Variants in NAA11 observed in about 807,000 individuals in gnomAD.
The protein encoded by NAA11 is N-alpha-acetyltransferase 11, NatA catalytic subunit.
A neutral mutation model predicts 16.1 loss-of-function variants in NAA11; 15 were observed. The ratio of observed to expected loss-of-function variants is 0.93; its 90% CI spans 0.62 to 1.44. The LOEUF is 1.44. NAA11 is among the 40% of genes most tolerant of loss of function. The pLI is 0.00. For missense variants in NAA11, 298 were observed against 291.3 expected (o/e 1.02, Z -0.17); for synonymous variants, 122 against 112.4 (o/e 1.09, Z -0.54).
intron 2 of NAA11, among the ~76,000 whole-genome samples, chr4:79,256,645 A>AT (rs1722112473): frequency 1.3e-5 from 1 of 75,536 alleles, no homozygotes; most frequent in African/African-American, 4.5e-5. Context: ...TATATATATA[A>AT]ATATAAATAT....
chr4:79,186,077 G>T, the NAA11 span, among the ~76,000 whole-genome samples: 1 of 152,050 alleles, frequency 6.6e-6, no homozygotes, highest in Non-Finnish European at 1.5e-5. Flanking sequence ...GAAACATCTT[G>T]TTAAAGGTTG....
At chr4:79,196,653 CT>C in the NAA11 span, among the ~76,000 whole-genome samples, 1 of 152,046 alleles carries the variant, frequency 6.6e-6, no homozygotes, top group Middle Eastern at 3.4e-3. Context: ...CTCCCCTCCC[CT>C]CTTCAGATGT....
chr4:79,238,985 G>T (rs1194323138), intron 2 of NAA11, among the ~76,000 whole-genome samples: 12 of 152,212 alleles, frequency 7.9e-5, no homozygotes, highest in African/African-American at 2.9e-4. Flanking sequence ...TTGGACAGGA[G>T]CTGGTAAATT....
At chr4:79,324,038 C>T (rs1724182783) in intron 1 of NAA11, among the ~76,000 whole-genome samples, 1 of 151,242 alleles carries the variant, frequency 6.6e-6, no homozygotes, top group African/African-American at 2.4e-5. Context: ...ATTGTTTTGG[C>T]TCTTTAACTT....
At chr4:79,227,022 T>C (rs1721333151) in intron 2 of NAA11, among the ~76,000 whole-genome samples, 1 of 152,140 alleles carries the variant, frequency 6.6e-6, no homozygotes, top group African/African-American at 2.4e-5. Context: ...TCACAATGGT[T>C]GAACTAGTTT....
chr4:79,325,635 G>C lies in NAA11; in HGVS notation c.243C>G (p.His81Gln). 6.2e-7 allele frequency: 1 copy of C among 1,614,102 alleles called. No individual in the cohort carries two copies. Among genetic ancestry groups the C allele is most frequent in the Non-Finnish European group, 8.5e-7 (1 of 1,179,960 alleles). Residue 81 changes from histidine to glutamine, a missense_variant, in exon 1 of 2, where the codon CAC (histidine) becomes CAG (glutamine). Coordinates refer to ENST00000286794, the MANE Select transcript of NAA11 (RefSeq NM_032693.3). ...HITSLAVKRS[H>Q]RRLGLAQKLM... The stretch of plus-strand genomic sequence containing the variant: ...GCTTCTGGGCCAGGCCGAGGCGCCG[G>C]TGTGAACGCTTCACGGCCAGTGAGG...
chr4:79,191,809 T>G, the NAA11 span, among the ~76,000 whole-genome samples: 1 of 152,186 alleles, frequency 6.6e-6, no homozygotes, highest in African/African-American at 2.4e-5. Flanking sequence ...ATTTTTATAG[T>G]TTTGGGTTTT....
In NAA11 at chr4:79,325,973, AG is replaced by A; in HGVS notation, c.-97del. 1 of 1,095,170 alleles carries A rather than the reference AG, an allele frequency of 9.1e-7. No homozygotes were observed. Among genetic ancestry groups the A allele is most frequent in the Non-Finnish European group, 1.3e-6 (1 of 763,046 alleles). 67.8% of individuals were successfully genotyped at this position (1,095,170 alleles called of 1,614,324 possible). A position where few individuals can be genotyped will look rare whatever the true frequency, so the allele number is the denominator to read the frequency against. On this transcript the variant is annotated 5_prime_UTR_variant, in exon 1 of 2. Transcript: ENST00000286794. ...ACTGTTTGCCTCAGGAATCGAGTCC[AG>A]GGGGCTAACACCACCGGGCTGAATC...
intron 2 of NAA11, among the ~76,000 whole-genome samples, chr4:79,286,705 A>G (rs1339718523): frequency 1.3e-5 from 2 of 152,092 alleles, no homozygotes; most frequent in Non-Finnish European, 2.9e-5. Context: ...TGTATTACGT[A>G]TCTGCTAATA....
the NAA11 span, among the ~76,000 whole-genome samples, chr4:79,201,043 T>C: frequency 6.6e-6 from 1 of 151,704 alleles, no homozygotes; most frequent in African/African-American, 2.4e-5. Context: ...TTTTATATTG[T>C]GTTTTTTTCT....
rs758362018 is a variant in NAA11 at position 79,325,851 on chromosome 4, G to A, written c.27C>T (p.Asp9=). The A allele has an allele frequency of 8.7e-6, 14 of 1,612,696 alleles. No homozygotes were observed. Among genetic ancestry groups the A allele is most frequent in the Admixed American group, 1.7e-5 (1 of 59,956 alleles). Residue 9 remains aspartate (D), a synonymous_variant, in exon 1 of 2, where the codon GAC becomes GAT. Coordinates refer to ENST00000286794, the MANE Select transcript of NAA11 (RefSeq NM_032693.3). The part of the protein sequence containing the change: MNIRNAQP[D]DLMNMQHCNL... ...TGCAGTGTTGCATATTCATCAGGTCGTCTGGCTGAGCGTTGCGGATGTTCA... is the reference window on the plus strand; with the variant it reads ...TGCAGTGTTGCATATTCATCAGGTCATCTGGCTGAGCGTTGCGGATGTTCA...
chr4:79,263,971 TC>T (rs1722290844), intron 2 of NAA11, among the ~76,000 whole-genome samples: 1 of 152,292 alleles, frequency 6.6e-6, no homozygotes, highest in African/African-American at 2.4e-5. Context: ...GGTCTCAAAC[TC>T]CTCGCTTTAA....
chr4:79,246,206 A>G (rs1308654035), intron 2 of NAA11, among the ~76,000 whole-genome samples: 8 of 152,128 alleles, frequency 5.3e-5, no homozygotes, highest in Non-Finnish European at 1.2e-4. Context: ...ACCACTCCCT[A>G]ATCTCAAGTA....
intron 2 of NAA11, among the ~76,000 whole-genome samples, chr4:79,264,109 G>T (rs894705885): frequency 2.6e-5 from 4 of 152,060 alleles, no homozygotes; most frequent in Non-Finnish European, 4.4e-5. Flanking sequence ...CAACACTTCC[G>T]CTCGTGCACT....
the NAA11 span, among the ~76,000 whole-genome samples, chr4:79,172,403 A>T: frequency 6.6e-6 from 1 of 152,114 alleles, no homozygotes; most frequent in Non-Finnish European, 1.5e-5. Context: ...TTTCCAAGGG[A>T]AAAAACAGTT....
At chr4:79,223,721 C>G (rs111378507), downstream of NAA11, among the ~76,000 whole-genome samples, 7 of 150,158 alleles carry the variant, frequency 4.7e-5, 1 homozygote, top group African/African-American at 1.7e-4. Context: ...GAGGTATAGC[C>G]AGAGTATTGT....
At position 79,325,280 on chromosome 4, in the gene NAA11, C is replaced by T; in HGVS notation, c.598G>A (p.Glu200Lys). 2 of 1,613,762 alleles carry T rather than the reference C, an allele frequency of 1.2e-6. No individual in the cohort carries two copies. Among genetic ancestry groups the T allele is most frequent in the Non-Finnish European group, 1.7e-6 (2 of 1,179,784 alleles). The change falls in exon 1 of 2, where the codon GAA (glutamate) becomes AAA (lysine). Residue 200 changes from glutamate (E) to lysine (K), a missense_variant. By Grantham distance (56) the Glu-to-Lys change is moderately conservative. Transcript: ENST00000286794. ...EACQQKNPAT[E>K]ESGSDSKEPK... Reference sequence around the variant, plus strand: ...TCTTTGCTGTCACTGCCACTTTCTTCGGTAGCCGGGTTCTTTTGCTGACAG... The same window carrying T: ...TCTTTGCTGTCACTGCCACTTTCTTTGGTAGCCGGGTTCTTTTGCTGACAG...
At chr4:79,158,607 A>G in the NAA11 span, among the ~76,000 whole-genome samples, 1 of 151,544 alleles carries the variant, frequency 6.6e-6, no homozygotes, top group South Asian at 2.1e-4. Flanking sequence ...ACTAAAAAAA[A>G]GTCCTAAAAT....
At chr4:79,262,612 G>T (rs776022682) in intron 2 of NAA11, among the ~76,000 whole-genome samples, 7 of 152,150 alleles carry the variant, frequency 4.6e-5, no homozygotes, top group African/African-American at 9.7e-5. Context: ...CTTTGCATGA[G>T]TCTTGCTACC....
Sources: allele counts gnomAD v4.1 joint callset (sites outside exome capture counted in the v4.1 genomes callset), GRCh38; gene constraint gnomAD v4.1.1; transcripts MANE v1.5; gene names NCBI Gene and HGNC (gene_info 2026-07-23, HGNC 2026-07-21).